Variants in GALNTL6 observed in about 807,000 individuals in gnomAD.
GALNTL6 encodes polypeptide N-acetylgalactosaminyltransferase-like 6.
In GALNTL6, 46 loss-of-function variants were observed where a neutral mutation model predicts 73.7. That is an observed-to-expected ratio of 0.62 (90% CI 0.49 to 0.80). The LOEUF is 0.80. GALNTL6 is among the 30% of genes least tolerant of loss of function. The pLI, the probability that GALNTL6 is intolerant of heterozygous loss-of-function variation, is 0.00. For missense variants in GALNTL6, 604 were observed against 755.0 expected, an observed-to-expected ratio of 0.80 and a Z score of 2.34; for synonymous variants, 259 against 263.7, an observed-to-expected ratio of 0.98 and a Z score of 0.17.
intron 2 of GALNTL6, among the ~76,000 whole-genome samples, chr4:172,163,306 A>G (rs1380253076): frequency 2.0e-5 from 3 of 151,974 alleles, no homozygotes; most frequent in Non-Finnish European, 2.9e-5. Context: ...CAAATGCCTC[A>G]TTTTTAGATA....
At chr4:172,480,340 C>T (rs563817535) in intron 5 of GALNTL6, among the ~76,000 whole-genome samples, 3 of 152,152 alleles carry the variant, frequency 2.0e-5, no homozygotes, top group South Asian at 2.1e-4. Context: ...AGTCATAACT[C>T]GTGGTCTCTT....
intron 5 of GALNTL6, among the ~76,000 whole-genome samples, chr4:172,678,195 T>G (rs1284215394): frequency 6.6e-6 from 1 of 152,182 alleles, no homozygotes; most frequent in Non-Finnish European, 1.5e-5. Context: ...GACTGGACTG[T>G]TTTCCAGGGT....
intron 5 of GALNTL6, among the ~76,000 whole-genome samples, chr4:172,606,595 CAT>C (rs1354681022): frequency 1.7e-4 from 21 of 126,588 alleles, no homozygotes; most frequent in Admixed American, 1.0e-3. Flanking sequence ...TATATATACA[CAT>C]ATATACATAT....
chr4:172,604,574 G>T (rs565855192), intron 5 of GALNTL6, among the ~76,000 whole-genome samples: 21 of 152,224 alleles, frequency 1.4e-4, no homozygotes, highest in Admixed American at 5.2e-4. Context: ...TTTATTGAAT[G>T]ATAACAACTA....
intron 5 of GALNTL6, among the ~76,000 whole-genome samples, chr4:172,365,478 G>A (rs959301135): frequency 6.6e-6 from 1 of 152,080 alleles, no homozygotes; most frequent in African/African-American, 2.4e-5. Flanking sequence ...TGTCCAAGAT[G>A]GCGATGCTCC....
chr4:172,892,544 A>G (rs1252346080), intron 8 of GALNTL6, among the ~76,000 whole-genome samples: 1 of 151,308 alleles, frequency 6.6e-6, no homozygotes, highest in Non-Finnish European at 1.5e-5. Context: ...GCCAGCAGAT[A>G]GGCTCTTAGC....
chr4:172,268,664 AG>A (rs1738534269), intron 3 of GALNTL6, among the ~76,000 whole-genome samples: 1 of 152,176 alleles, frequency 6.6e-6, no homozygotes, highest in Non-Finnish European at 1.5e-5. Context: ...CCTAACACCC[AG>A]TGTGAAGTCT....
chr4:172,171,727 A>G (rs1433253440), intron 2 of GALNTL6, among the ~76,000 whole-genome samples: 3 of 151,756 alleles, frequency 2.0e-5, no homozygotes, highest in Non-Finnish European at 4.4e-5. Flanking sequence ...GGTCCCAGCT[A>G]TGTGGGAGGA....
At position 172,614,916 on chromosome 4, in the gene GALNTL6, G is replaced by A. The variant is rs990653077; in HGVS notation, c.554-194445G>A. Among the ~76,000 whole-genome samples, 9 of 152,140 alleles carry A rather than the reference G, an allele frequency of 5.9e-5. No homozygotes were observed. In the South Asian group the frequency reaches 8.3e-4, roughly 14 times the overall value. On this transcript the variant is annotated intron_variant, in intron 5 of 12. Transcript: ENST00000506823. ...TTAAACAAAAAAGGTGAGGTCAACC[G>A]TGAGCAGAAAGTTTAAAAAAAATGT...
At chr4:171,948,235 C>A (rs1474181229) in intron 2 of GALNTL6, among the ~76,000 whole-genome samples, 1 of 152,036 alleles carries the variant, frequency 6.6e-6, no homozygotes, top group Non-Finnish European at 1.5e-5. Flanking sequence ...CTGTCAGAGT[C>A]AGAGAAGAAA....
intron 2 of GALNTL6, among the ~76,000 whole-genome samples, chr4:171,917,297 A>C (rs1007987370): frequency 6.6e-6 from 1 of 152,064 alleles, no homozygotes; most frequent in African/African-American, 2.4e-5. Flanking sequence ...AAAAAAAATT[A>C]AGGAAGGTGA....
intron 10 of GALNTL6, among the ~76,000 whole-genome samples, chr4:172,965,854 A>G (rs1750302500): frequency 6.6e-6 from 1 of 152,166 alleles, no homozygotes; most frequent in Non-Finnish European, 1.5e-5. Context: ...ATGTTAACAC[A>G]CATAAATATA....
chr4:172,365,224 G>A (rs1195362597), intron 5 of GALNTL6, among the ~76,000 whole-genome samples: 1 of 152,088 alleles, frequency 6.6e-6, no homozygotes, highest in Non-Finnish European at 1.5e-5. Flanking sequence ...TTTATTGTGG[G>A]GTTAGAATGT....
At chr4:171,967,278 A>ATGTT (rs1739411867) in intron 2 of GALNTL6, among the ~76,000 whole-genome samples, 2 of 152,090 alleles carry the variant, frequency 1.3e-5, no homozygotes, top group African/African-American at 4.8e-5. Context: ...TGCTTGTTTC[A>ATGTT]TGTTTGGGCT....
intron 2 of GALNTL6, among the ~76,000 whole-genome samples, chr4:172,171,356 A>G (rs959733449): frequency 6.6e-6 from 1 of 152,222 alleles, no homozygotes; most frequent in African/African-American, 2.4e-5. Flanking sequence ...CAGGAATTAA[A>G]TAGTATCATA....
intron 5 of GALNTL6, among the ~76,000 whole-genome samples, chr4:172,374,076 C>G (rs1389764453): frequency 6.6e-6 from 1 of 152,164 alleles, no homozygotes; most frequent in Non-Finnish European, 1.5e-5. Flanking sequence ...GAGCAGTGCA[C>G]CTTCCAGTGA....
At chr4:172,286,850 G>A (rs1042432644) in intron 3 of GALNTL6, among the ~76,000 whole-genome samples, 2 of 152,270 alleles carry the variant, frequency 1.3e-5, no homozygotes, top group East Asian at 3.9e-4. Context: ...ATAAATTCCA[G>A]TGGTATGTTC....
In GALNTL6 at chr4:172,384,038, G is replaced by A. The variant is rs570079811; in HGVS notation, c.553+35349G>A. Among the ~76,000 whole-genome samples, 10 of 152,084 alleles carry A rather than the reference G, an allele frequency of 6.6e-5. No individual in the cohort carries two copies. The South Asian group carries it at 1.9e-3, about 28-fold the overall frequency. On this transcript the variant is annotated intron_variant, in intron 5 of 12. Transcript: ENST00000506823. The stretch of plus-strand genomic sequence containing the variant: ...TATTTTGTTGAGGATTTTTATTTGT[G>A]TATTTATTAGAGATGTTAATGTATA...
chr4:172,936,954 C>T (rs1472688921), intron 9 of GALNTL6, among the ~76,000 whole-genome samples: 3 of 152,086 alleles, frequency 2.0e-5, no homozygotes, highest in Admixed American at 6.5e-5. Flanking sequence ...GGTTCATGCT[C>T]CTCACCATAA....
Sources: gnomAD v4.1 joint callset for allele counts (sites outside exome capture counted in the v4.1 genomes callset) on GRCh38, gnomAD v4.1.1 for gene constraint, MANE v1.5 for transcripts, NCBI Gene and HGNC (gene_info 2026-07-23, HGNC 2026-07-21) for gene names.